FHOD3: variants seen among roughly 807,000 people sequenced by gnomAD.
FHOD3 encodes FH1/FH2 domain-containing protein 3.
Under a neutral mutation model 173.0 loss-of-function variants are expected in FHOD3, and 90 were observed. The ratio of observed to expected loss-of-function variants is 0.52; its 90% confidence interval spans 0.44 to 0.62. The LOEUF (loss-of-function observed/expected upper bound fraction) is 0.62, where lower values mean the gene tolerates loss of function less well. Among genes scored for constraint, FHOD3 ranks in the 20% least tolerant of loss-of-function variants. The pLI is 0.00. For synonymous variants in FHOD3, 828 were observed against 823.0 expected, an observed-to-expected ratio of 1.01 and a Z score of -0.10; for missense variants, 1,945 against 2,034.7, an observed-to-expected ratio of 0.96 and a Z score of 0.85.
In FHOD3 at chr18:36,497,564, A is replaced by G. The variant is rs373792368; in HGVS notation, c.338-4368A>G. Among the ~76,000 whole-genome samples the G allele has an allele frequency of 2.6e-5, 4 of 152,372 alleles. No homozygotes were observed. The South Asian group carries it at 6.2e-4, about 24-fold the overall frequency. ...ACTAACCCAAAGTGTCCATATTCAT[A>G]TCAGAAAAGTAGACTTTAAAACAGG... On this transcript the variant is annotated intron_variant, in intron 3 of 28. Transcript: ENST00000590592.
chr18:36,604,679 A>C (rs1415417920), intron 8 of FHOD3, among the ~76,000 whole-genome samples: 1 of 152,232 alleles, frequency 6.6e-6, no homozygotes. Context: ...AGAGAGATGA[A>C]GACTAATTAG....
chr18:36,608,864 T>C (rs757642661), intron 8 of FHOD3, among the ~76,000 whole-genome samples: 1 of 152,256 alleles, frequency 6.6e-6, no homozygotes, highest in Non-Finnish European at 1.5e-5. Context: ...TGCTGTGTAG[T>C]ATTCCTTGTA....
intron 3 of FHOD3, among the ~76,000 whole-genome samples, chr18:36,424,553 T>C (rs1339797214): frequency 6.6e-6 from 1 of 152,276 alleles, no homozygotes; most frequent in South Asian, 2.1e-4. Context: ...TAGAATGGTG[T>C]CTGGTGCAAA....
Position 36,658,206 on chromosome 18 carries a change from G to A in FHOD3, c.1835+18G>A, listed in dbSNP as rs376831087. On this transcript the variant is annotated intron_variant, in intron 14 of 28. Coordinates refer to ENST00000590592, the MANE Select transcript of FHOD3 (RefSeq NM_001281740.3). ...TTGGAAAGGTGAGTTCGACAAGCACGCTGATAGCTTCACAGTCCTCAAGTG... is the reference window on the plus strand; with the variant it reads ...TTGGAAAGGTGAGTTCGACAAGCACACTGATAGCTTCACAGTCCTCAAGTG... 91 of 1,527,744 alleles carry A rather than the reference G, an allele frequency of 6.0e-5. No individual in the cohort carries two copies. The highest frequency in any genetic ancestry group is 7.7e-5 in the Non-Finnish European group (86 of 1,121,880). 94.6% of individuals were successfully genotyped at this position (1,527,744 alleles called of 1,614,324 possible). A position where few individuals can be genotyped will look rare whatever the true frequency, so the allele number is the denominator to read the frequency against.
Position 36,520,646 on chromosome 18 carries a change from T to C in FHOD3, c.511+8103T>C, listed in dbSNP as rs1050179152. Among the ~76,000 whole-genome samples, 15 of 152,368 alleles carry C rather than the reference T, an allele frequency of 9.8e-5. No individual in the cohort carries two copies. In the South Asian group the frequency reaches 1.0e-3, roughly 11 times the overall value. On this transcript the variant is annotated intron_variant, in intron 5 of 28. Coordinates refer to ENST00000590592, the MANE Select transcript of FHOD3 (RefSeq NM_001281740.3). ...AAGCCCTGGCAATGTCCTGCAATCA[T>C]GCCTCCGAGTGCTTCAGCTTAAAGA...
At chr18:36,755,445 T>G in intron 25 of FHOD3, 134 bp downstream of exon 25, 1 of 670,450 alleles carries the variant, frequency 1.5e-6, no homozygotes, top group Non-Finnish European at 2.2e-6. Flanking sequence ...AAATTATCTC[T>G]TTTAAAAAGT....
At chr18:36,574,099 A>G (rs2058559133) in intron 5 of FHOD3, among the ~76,000 whole-genome samples, 1 of 152,156 alleles carries the variant, frequency 6.6e-6, no homozygotes, top group Non-Finnish European at 1.5e-5. Context: ...TGGCTTTTCT[A>G]TTAATAATAC....
rs1240706333 is a variant in FHOD3 at position 36,779,571 on chromosome 18, A to G, written c.*41A>G. 6.3e-7 allele frequency: 1 copy of G among 1,587,956 alleles called. No individual in the cohort carries two copies. Among genetic ancestry groups the G allele is most frequent in the Non-Finnish European group, 8.6e-7 (1 of 1,156,630 alleles). On this transcript the variant is annotated 3_prime_UTR_variant, in exon 29 of 29. Coordinates refer to ENST00000590592, the MANE Select transcript of FHOD3 (RefSeq NM_001281740.3). ...CCCAGGAGTGTGCTGAGCAGAAGGC[A>G]AGCTCTTGCTGGATGAAACCCCTCC...
At chr18:36,591,884 C>T (rs2059229685) in intron 6 of FHOD3, among the ~76,000 whole-genome samples, 1 of 152,136 alleles carries the variant, frequency 6.6e-6, no homozygotes, top group South Asian at 2.1e-4. Flanking sequence ...GCTTACACCA[C>T]CACACTCCAG....
intron 5 of FHOD3, among the ~76,000 whole-genome samples, chr18:36,576,150 A>G (rs77240566): frequency 0.019 from 2,901 of 152,274 alleles, 108 homozygotes; most frequent in African/African-American, 0.067. Context: ...GGGACTACAC[A>G]CAGATATAGA....
Position 36,603,961 on chromosome 18 carries a change from G to A in FHOD3, c.813+1193G>A, listed in dbSNP as rs12606875. Among the ~76,000 whole-genome samples, 1,094 of 152,296 alleles carry A rather than the reference G, an allele frequency of 7.2e-3. 21 individuals are homozygous for A. The East Asian group carries it at 0.1, about 14-fold the overall frequency. On this transcript the variant is annotated intron_variant, in intron 8 of 28. Transcript: ENST00000590592. ...CTGAGATAAGGAATCCTGGGGGTAG[G>A]TCCCACTTGTCTCACGTGATGGTGA...
chr18:36,698,284 G>A (rs944490757), intron 17 of FHOD3, among the ~76,000 whole-genome samples: 1 of 152,190 alleles, frequency 6.6e-6, no homozygotes, highest in Non-Finnish European at 1.5e-5. Flanking sequence ...AAATCATCGA[G>A]TTTTTCTGCC....
chr18:36,644,704 G>A (rs1427473284), intron 10 of FHOD3, among the ~76,000 whole-genome samples: 1 of 152,260 alleles, frequency 6.6e-6, no homozygotes, highest in African/African-American at 2.4e-5. Flanking sequence ...TTGGAAAAGA[G>A]TTGGATCAAA....
intron 5 of FHOD3, among the ~76,000 whole-genome samples, chr18:36,567,995 A>C (rs2147818807): frequency 6.6e-6 from 1 of 152,030 alleles, no homozygotes; most frequent in Non-Finnish European, 1.5e-5. Context: ...GAACAAGTTA[A>C]GTAATGCTCC....
chr18:36,661,025 A>T (rs1318261406), intron 14 of FHOD3, among the ~76,000 whole-genome samples: 1 of 152,154 alleles, frequency 6.6e-6, no homozygotes, highest in Non-Finnish European at 1.5e-5. Flanking sequence ...AAAACATATG[A>T]TGAATCATTT....
rs531820818 is a variant in FHOD3 at position 36,608,683 on chromosome 18, A to C, written c.814-3269A>C. Among the ~76,000 whole-genome samples the C allele has an allele frequency of 2.0e-5, 3 of 152,296 alleles. No homozygotes were observed. The East Asian group carries it at 5.8e-4, about 29-fold the overall frequency. ...TGAGCTCCTATATATAATCCTGAGA[A>C]ACCACTGATTTATTCTCTGATCACT... is the stretch of plus-strand genomic sequence containing the variant. On this transcript the variant is annotated intron_variant, in intron 8 of 28. Coordinates refer to ENST00000590592, the MANE Select transcript of FHOD3 (RefSeq NM_001281740.3).
intron 3 of FHOD3, among the ~76,000 whole-genome samples, chr18:36,436,308 T>A (rs1021794302): frequency 6.6e-6 from 1 of 152,234 alleles, no homozygotes; most frequent in African/African-American, 2.4e-5. Flanking sequence ...ATTTTAATAA[T>A]CAGATTGTTG....
intron 3 of FHOD3, among the ~76,000 whole-genome samples, chr18:36,464,035 T>G (rs1041431342): frequency 2.0e-5 from 3 of 152,204 alleles, no homozygotes; most frequent in African/African-American, 7.2e-5. Flanking sequence ...AAGTAGTTTT[T>G]GCAATGAGAT....
At chr18:36,417,734 G>A (rs2049748090) in intron 3 of FHOD3, among the ~76,000 whole-genome samples, 1 of 152,100 alleles carries the variant, frequency 6.6e-6, no homozygotes, top group Non-Finnish European at 1.5e-5. Context: ...GTGAGGGATT[G>A]TTAAAAAAGG....
Sources: allele counts gnomAD v4.1 joint callset (sites outside exome capture counted in the v4.1 genomes callset), GRCh38; gene constraint gnomAD v4.1.1; transcripts MANE v1.5; gene names NCBI Gene and HGNC (gene_info 2026-07-23, HGNC 2026-07-21).